Variants in GPC5 observed in about 807,000 individuals in gnomAD.
GPC5 encodes the protein glypican 5.
In GPC5, 47 loss-of-function variants were observed where a neutral mutation model predicts 53.9. That is an observed-to-expected ratio of 0.87 (90% confidence interval 0.69 to 1.11). The LOEUF (loss-of-function observed/expected upper bound fraction) is 1.11, where lower values mean the gene tolerates loss of function less well. Among genes scored for constraint, GPC5 ranks in the 50% most tolerant of loss-of-function variants. The pLI, the probability that GPC5 is intolerant of heterozygous loss-of-function variation, is 0.00. For missense variants in GPC5, 748 were observed against 713.1 expected (o/e 1.05, Z -0.56); for synonymous variants, 286 against 263.3 (o/e 1.09, Z -0.84).
chr13:91,999,757 A>G (rs563686233), intron 6 of GPC5, among the ~76,000 whole-genome samples: 37 of 152,302 alleles, frequency 2.4e-4, no homozygotes, highest in Non-Finnish European at 2.8e-4. Flanking sequence ...ATTTTATTTT[A>G]CATCTATGTA....
rs542665422 is a variant in GPC5, at chr13:92,064,695, T to C, written c.1402-80135T>C. On this transcript the variant is annotated intron_variant, in intron 6 of 7. Transcript: ENST00000377067. Reference sequence around the variant, plus strand: ...TTGCTTGAACCTGGGAGGCAGAGGTTGCAGTGAGCCAAGATCGCGCCATTG... The same window carrying C: ...TTGCTTGAACCTGGGAGGCAGAGGTCGCAGTGAGCCAAGATCGCGCCATTG... 5.9e-3 allele frequency among the ~76,000 whole-genome samples: 867 copies of C among 145,830 alleles called. 8 individuals carry two copies. The highest frequency in any genetic ancestry group is 8.7e-3 in the Non-Finnish European group (585 of 67,008).
chr13:92,589,599 G>A (rs1396423649), intron 7 of GPC5, among the ~76,000 whole-genome samples: 1 of 152,120 alleles, frequency 6.6e-6, no homozygotes, highest in Non-Finnish European at 1.5e-5. Context: ...TATGATCATG[G>A]CATTGTGTTA....
intron 7 of GPC5, among the ~76,000 whole-genome samples, chr13:92,521,396 C>A (rs866348321): frequency 6.6e-6 from 1 of 152,156 alleles, no homozygotes; most frequent in Non-Finnish European, 1.5e-5. Context: ...GCTACAGTAA[C>A]CGAAACAGCA....
At chr13:92,839,056 T>C (rs1226381988) in intron 7 of GPC5, among the ~76,000 whole-genome samples, 1 of 152,198 alleles carries the variant, frequency 6.6e-6, no homozygotes, top group Non-Finnish European at 1.5e-5. Context: ...CTTAAACCAC[T>C]TGGCAAGTGC....
chr13:91,715,509 A>G (rs1360638707), intron 3 of GPC5, among the ~76,000 whole-genome samples: 2 of 152,202 alleles, frequency 1.3e-5, no homozygotes, highest in East Asian at 3.8e-4. Flanking sequence ...ACAAAATGTA[A>G]ATACATGTGT....
chr13:92,851,965 T>G (rs1838252997), intron 7 of GPC5, among the ~76,000 whole-genome samples: 2 of 149,722 alleles, frequency 1.3e-5, no homozygotes, highest in Admixed American at 1.3e-4. Flanking sequence ...AGGAGGAAAG[T>G]TAGGCTCTGA....
At chr13:92,043,424 A>AG in intron 6 of GPC5, among the ~76,000 whole-genome samples, 1 of 152,242 alleles carries the variant, frequency 6.6e-6, no homozygotes, top group Non-Finnish European at 1.5e-5. Flanking sequence ...AAGGGAAGAA[A>AG]GGGGGTATAG....
At chr13:92,256,264 G>A (rs1310670011) in intron 7 of GPC5, among the ~76,000 whole-genome samples, 4 of 151,842 alleles carry the variant, frequency 2.6e-5, no homozygotes, top group Admixed American at 1.3e-4. Flanking sequence ...GAATGTCCAC[G>A]AATATGGGAC....
intron 7 of GPC5, among the ~76,000 whole-genome samples, chr13:92,797,426 C>G (rs1458562935): frequency 6.6e-6 from 1 of 151,844 alleles, no homozygotes; most frequent in Non-Finnish European, 1.5e-5. Flanking sequence ...TCATTAGGAT[C>G]CCTTCCAGCT....
intron 7 of GPC5, among the ~76,000 whole-genome samples, chr13:92,392,134 A>G (rs1018458919): frequency 1.1e-4 from 16 of 152,340 alleles, no homozygotes; most frequent in South Asian, 2.1e-4. Flanking sequence ...ACTTTTACAG[A>G]TCTGATTTCT....
chr13:92,375,723 G>A (rs1246644852), intron 7 of GPC5, among the ~76,000 whole-genome samples: 1 of 152,210 alleles, frequency 6.6e-6, no homozygotes, highest in Non-Finnish European at 1.5e-5. Flanking sequence ...ACAGGCTGAA[G>A]CTGTTGTTCA....
chr13:91,592,222 G>C (rs72641453), intron 2 of GPC5, among the ~76,000 whole-genome samples: 36,139 of 152,096 alleles, frequency 0.24, 4,655 homozygotes, highest in African/African-American at 0.33. Flanking sequence ...TGGTATTATA[G>C]TTTGGGCTGT....
Position 91,802,067 on chromosome 13 carries a change from C to T in GPC5, c.1280+45647C>T, listed in dbSNP as rs760684726. Among the ~76,000 whole-genome samples the T allele has an allele frequency of 1.8e-4, 28 of 152,272 alleles. 1 individual carries two copies. The highest frequency in any genetic ancestry group is 3.4e-4 in the Non-Finnish European group (23 of 68,026). On this transcript the variant is annotated intron_variant, in intron 5 of 7. Transcript: ENST00000377067. ...TATTTACATGTCAGATCTTATAGAG[C>T]AATATTTAAGTTATCAAAAGACATA...
At chr13:92,078,588 G>T (rs1360982749) in intron 6 of GPC5, among the ~76,000 whole-genome samples, 1 of 152,066 alleles carries the variant, frequency 6.6e-6, no homozygotes, top group Non-Finnish European at 1.5e-5. Context: ...TTCTTAAAGT[G>T]CTCTGTCATT....
At chr13:92,374,391 G>A (rs928170157) in intron 7 of GPC5, among the ~76,000 whole-genome samples, 13 of 151,966 alleles carry the variant, frequency 8.6e-5, no homozygotes, top group Admixed American at 5.9e-4. Flanking sequence ...CTTCCAAAGT[G>A]ACTGATTTCA....
intron 6 of GPC5, among the ~76,000 whole-genome samples, chr13:92,072,053 T>C (rs981330039): frequency 2.0e-5 from 3 of 146,390 alleles, no homozygotes; most frequent in African/African-American, 7.4e-5. Flanking sequence ...ATTTTATTCA[T>C]ATATTTTATT....
chr13:92,637,777 G>GA (rs144211290), intron 7 of GPC5, among the ~76,000 whole-genome samples: 4,884 of 151,592 alleles, frequency 0.032, 273 homozygotes, highest in African/African-American at 0.11. Context: ...ATATTGAAGA[G>GA]AAAAAAAATC....
intron 7 of GPC5, among the ~76,000 whole-genome samples, chr13:92,757,354 G>T (rs995082475): frequency 6.6e-6 from 1 of 152,160 alleles, no homozygotes; most frequent in Non-Finnish European, 1.5e-5. Context: ...AGACTTAAAT[G>T]TTAGACCTAA....
chr13:92,671,683 G>A (rs1176299304), intron 7 of GPC5, among the ~76,000 whole-genome samples: 1 of 152,076 alleles, frequency 6.6e-6, no homozygotes, highest in East Asian at 1.9e-4. Context: ...ATTCACAGTG[G>A]GCTAATTTGT....
Sources: allele counts gnomAD v4.1 joint callset (sites outside exome capture counted in the v4.1 genomes callset), GRCh38; gene constraint gnomAD v4.1.1; transcripts MANE v1.5; gene names NCBI Gene and HGNC (gene_info 2026-07-23, HGNC 2026-07-21).